The following DPP6 variants were observed in gnomAD, a reference collection of about 807,000 sequenced individuals.
DPP6 encodes the protein A-type potassium channel modulatory protein DPP6.
DPP6 carries 69 observed loss-of-function variants against 122.6 expected under a neutral mutation model. That is an observed-to-expected ratio of 0.56 (90% CI 0.46 to 0.69). The LOEUF is 0.69. DPP6 is among the 30% of genes least tolerant of loss of function. The probability of loss-of-function intolerance (pLI) is 0.00; values close to 1 mark genes in which losing one functional copy is unlikely to be tolerated. For synonymous variants in DPP6, 418 were observed against 433.1 expected (o/e 0.97, Z 0.43); for missense variants, 928 against 1,116.9 (o/e 0.83, Z 2.41).
rs865811955 is a variant in DPP6, at chr7:154,241,219, G to C, written c.243+188156G>C. Among the ~76,000 whole-genome samples, 66 of 142,870 alleles carry C rather than the reference G, an allele frequency of 4.6e-4. No individual in the cohort carries two copies. The highest frequency in any genetic ancestry group is 1.9e-3 in the African/African-American group (66 of 34,682). 93.7% of individuals were successfully genotyped at this position (142,870 alleles called of 152,430 possible). A position where few individuals can be genotyped will look rare whatever the true frequency, so the allele number is the denominator to read the frequency against. On this transcript the variant is annotated intron_variant, in intron 1 of 25. Coordinates refer to ENST00000377770, the MANE Select transcript of DPP6 (RefSeq NM_130797.4). The surrounding 1 kb of genome is among the most constrained non-coding windows in gnomAD (Gnocchi z 9.0). ...TGTGTGTGTGTGTGTGTGTGTGTGTGTATATATATATAGAGAGAGAGAGAG... is the reference window on the plus strand; with the variant it reads ...TGTGTGTGTGTGTGTGTGTGTGTGTCTATATATATATAGAGAGAGAGAGAG...
At position 154,245,905 on chromosome 7, in the gene DPP6, T is replaced by C. The variant is rs116214628; in HGVS notation, c.243+192842T>C. ...CAATTAGGCATAATTTCAGTAAGTA[T>C]ATAGAATAAAGAACATAGTCATTGT... On this transcript the variant is annotated intron_variant, in intron 1 of 25. Coordinates refer to ENST00000377770, the MANE Select transcript of DPP6 (RefSeq NM_130797.4). Among the ~76,000 whole-genome samples the C allele has an allele frequency of 8.3e-3, 1,269 of 152,290 alleles. 14 individuals are homozygous for C. Among genetic ancestry groups the C allele is most frequent in the African/African-American group, 0.029 (1,224 of 41,562 alleles).
chr7:154,394,284 G>C (rs1814884008), intron 1 of DPP6, among the ~76,000 whole-genome samples: 1 of 152,040 alleles, frequency 6.6e-6, no homozygotes, highest in African/African-American at 2.4e-5. Flanking sequence ...TTTAACAGTA[G>C]CCATCCTACT....
At chr7:154,349,107 C>A (rs1258005598) in intron 1 of DPP6, among the ~76,000 whole-genome samples, 2 of 152,162 alleles carry the variant, frequency 1.3e-5, no homozygotes, top group African/African-American at 4.8e-5. Context: ...GAAACCCAGG[C>A]CAGTGAGGAA....
At chr7:154,698,979 G>A (rs1005626846) in intron 7 of DPP6, among the ~76,000 whole-genome samples, 1 of 152,218 alleles carries the variant, frequency 6.6e-6, no homozygotes, top group African/African-American at 2.4e-5. Context: ...GGGATAACGA[G>A]CCCCTGTAGG....
intron 8 of DPP6, among the ~76,000 whole-genome samples, chr7:154,738,466 A>G (rs184506537): frequency 6.6e-6 from 1 of 152,358 alleles, no homozygotes; most frequent in Admixed American, 6.5e-5. Context: ...TCTCCAGCCA[A>G]GAGTTGCAAT....
At chr7:154,879,507 G>C (rs1222393372) in intron 20 of DPP6, among the ~76,000 whole-genome samples, 4 of 134,652 alleles carry the variant, frequency 3.0e-5, no homozygotes, top group Non-Finnish European at 4.6e-5. Flanking sequence ...GGAGAATGGC[G>C]TGAACCCCAG....
the DPP6 span, among the ~76,000 whole-genome samples, chr7:153,857,007 A>G: frequency 6.6e-6 from 1 of 152,170 alleles, no homozygotes; most frequent in Non-Finnish European, 1.5e-5. Flanking sequence ...TGGATTTCCT[A>G]TCGCCTCTAA....
intron 1 of DPP6, among the ~76,000 whole-genome samples, chr7:154,033,650 C>T (rs1320963219): frequency 6.6e-6 from 1 of 152,204 alleles, no homozygotes; most frequent in Non-Finnish European, 1.5e-5. Context: ...AGTGATATTT[C>T]TCATTGTGAG....
intron 1 of DPP6, among the ~76,000 whole-genome samples, chr7:154,384,999 G>A (rs1445462515): frequency 6.6e-6 from 1 of 151,980 alleles, no homozygotes; most frequent in Admixed American, 6.6e-5. Flanking sequence ...TTTTGAGAGG[G>A]AGTCTCGCTC....
At chr7:154,807,793 G>C (rs1798793077) in intron 16 of DPP6, among the ~76,000 whole-genome samples, 1 of 152,144 alleles carries the variant, frequency 6.6e-6, no homozygotes, top group Non-Finnish European at 1.5e-5. Flanking sequence ...CTACACTCCA[G>C]CCTGGGCAAC....
intron 1 of DPP6, among the ~76,000 whole-genome samples, chr7:153,944,078 G>T (rs2129017785): frequency 6.6e-6 from 1 of 152,242 alleles, no homozygotes; most frequent in African/African-American, 2.4e-5. Context: ...TGCTGCTCCT[G>T]GTGTGTGAAA....
chr7:153,882,760 T>C (rs899914414), upstream of DPP6, among the ~76,000 whole-genome samples: 2 of 152,138 alleles, frequency 1.3e-5, no homozygotes, highest in African/African-American at 4.8e-5. Flanking sequence ...GCAGATCCTA[T>C]GGGACTTAGG....
chr7:154,399,977 G>A (rs1815427342), intron 1 of DPP6, among the ~76,000 whole-genome samples: 1 of 152,216 alleles, frequency 6.6e-6, no homozygotes, highest in Non-Finnish European at 1.5e-5. Flanking sequence ...AGAAGTCTAG[G>A]TGTGTTGGGG....
At chr7:154,421,678 A>G (rs923243440) in intron 1 of DPP6, among the ~76,000 whole-genome samples, 2 of 152,062 alleles carry the variant, frequency 1.3e-5, no homozygotes, top group Non-Finnish European at 2.9e-5. Flanking sequence ...TGGATGATCT[A>G]TGGGGAGGGT....
intron 1 of DPP6, among the ~76,000 whole-genome samples, chr7:153,896,005 T>G (rs1006626406): frequency 3.9e-5 from 6 of 152,232 alleles, no homozygotes; most frequent in Admixed American, 3.3e-4. Flanking sequence ...CAAGGCCTGT[T>G]TTGCAAGGCA....
At chr7:153,973,408 A>T (rs1796124367) in intron 1 of DPP6, among the ~76,000 whole-genome samples, 2 of 152,220 alleles carry the variant, frequency 1.3e-5, no homozygotes, top group Admixed American at 1.3e-4. Flanking sequence ...ATTCAGTAAA[A>T]TGCGGCCAAG....
chr7:154,403,653 G>A lies in DPP6; in HGVS notation c.244-42561G>A, dbSNP rs959372404. Among the ~76,000 whole-genome samples the A allele has an allele frequency of 6.6e-6, 1 of 152,344 alleles. No homozygotes were observed. Among genetic ancestry groups the A allele is most frequent in the African/African-American group, 2.4e-5 (1 of 41,594 alleles). On this transcript the variant is annotated intron_variant, in intron 1 of 25. Transcript: ENST00000377770. This position sits in a 1 kb window ranked among gnomAD's most constrained non-coding sequence, Gnocchi z 4.1. The stretch of plus-strand genomic sequence containing the variant: ...ATTTCATGGAACCTGTTTGGGGCAC[G>A]TGAAGAGTGGGCCAGAGTGCCAGGG...
At chr7:154,461,333 T>A (rs898447931) in intron 2 of DPP6, among the ~76,000 whole-genome samples, 67 of 152,038 alleles carry the variant, frequency 4.4e-4, no homozygotes, top group Middle Eastern at 3.2e-3. Context: ...AACAAAGGAG[T>A]GCAGGTGTCT....
intron 14 of DPP6, 125 bp from the exon 15 acceptor site, chr7:154,804,792 G>A (rs747719232): frequency 3.2e-5 from 43 of 1,345,606 alleles, no homozygotes; most frequent in Non-Finnish European, 3.9e-5. Flanking sequence ...CTGAACAGGG[G>A]AGCTACTCCC....
Sources: allele counts gnomAD v4.1 joint callset (sites outside exome capture counted in the v4.1 genomes callset), GRCh38; gene constraint gnomAD v4.1.1; non-coding constraint Gnocchi (gnomAD v3.1); transcripts MANE v1.5; gene names NCBI Gene and HGNC (gene_info 2026-07-23, HGNC 2026-07-21).